The following PADI1 variants were observed in gnomAD, a reference collection of about 807,000 sequenced individuals.
The protein encoded by PADI1 is protein-arginine deiminase type-1.
Under a neutral mutation model 74.8 loss-of-function variants are expected in PADI1, and 65 were observed. The ratio of observed to expected loss-of-function variants is 0.87; its 90% CI spans 0.71 to 1.07. The LOEUF (loss-of-function observed/expected upper bound fraction) is 1.07. Ranked by LOEUF, PADI1 falls within the 50% of genes least tolerant of loss-of-function variation. The pLI is 0.00. For synonymous variants in PADI1, 371 were observed against 336.2 expected (o/e 1.10, Z -1.13); for missense variants, 943 against 854.0 (o/e 1.10, Z -1.30).
At chr1:17,216,420 T>C (rs2071979794) in intron 1 of PADI1, among the ~76,000 whole-genome samples, 1 of 152,088 alleles carries the variant, frequency 6.6e-6, no homozygotes. Flanking sequence ...AGGGGCTGGC[T>C]GTGCGAGTGA....
chr1:17,212,501 G>C (rs566922883), intron 1 of PADI1, among the ~76,000 whole-genome samples: 1 of 151,878 alleles, frequency 6.6e-6, no homozygotes, highest in Non-Finnish European at 1.5e-5. Context: ...AGGACAGTTG[G>C]CAGGGAAGCA....
chr1:17,209,114 T>A (rs1164858403), intron 1 of PADI1, among the ~76,000 whole-genome samples: 1 of 152,202 alleles, frequency 6.6e-6, no homozygotes, highest in Non-Finnish European at 1.5e-5. Flanking sequence ...TTCGAAAACT[T>A]GTGGTATGTG....
rs1319953696 is a variant in PADI1, at chr1:17,245,426, C to T, written c.*1183C>T. On this transcript the variant is annotated 3_prime_UTR_variant, in exon 16 of 16. Coordinates refer to ENST00000375471, the MANE Select transcript of PADI1 (RefSeq NM_013358.3). This position sits in a 1 kb window ranked among gnomAD's most constrained non-coding sequence, Gnocchi z 4.1. ...CGGAGTGAGGTCACTGAGACATGCA[C>T]AGGCAGGCTGGTTCAGCTGGGCTGC... 1.3e-5 allele frequency: 2 copies of T among 152,810 alleles called. No individual in the cohort carries two copies. The highest frequency in any genetic ancestry group is 1.3e-4 in the Admixed American group (2 of 15,304). The allele number at this position is 152,810 out of a possible 1,614,324, so 9.5% of individuals were successfully genotyped here. A position where few individuals can be genotyped will look rare whatever the true frequency, so the allele number is the denominator to read the frequency against.
intron 11 of PADI1, 107 bp downstream of exon 11, chr1:17,233,077 T>A: frequency 9.5e-7 from 1 of 1,052,580 alleles, no homozygotes; most frequent in Non-Finnish European, 1.3e-6. Flanking sequence ...GAAGTGATCT[T>A]AACTTCCTGC....
intron 15 of PADI1, among the ~76,000 whole-genome samples, chr1:17,241,538 ATGTC>A (rs1367923856): frequency 7.7e-5 from 10 of 129,514 alleles, no homozygotes; most frequent in Non-Finnish European, 1.3e-4. Flanking sequence ...TTGGAAGTGA[ATGTC>A]AGAATCGGGA....
intron 1 of PADI1, among the ~76,000 whole-genome samples, chr1:17,213,993 G>A (rs929783948): frequency 5.3e-5 from 8 of 152,208 alleles, no homozygotes; most frequent in Admixed American, 2.6e-4. Context: ...TCTGGGCGGC[G>A]CAGACGAGAT....
At chr1:17,224,324 G>A (rs1238854722) in intron 3 of PADI1, 43 bp from the exon 4 acceptor site, 23 of 1,573,828 alleles carry the variant, frequency 1.5e-5, no homozygotes, top group Non-Finnish European at 2.0e-5. Context: ...TGTGAAGATG[G>A]GGCTGGATGA....
intron 1 of PADI1, among the ~76,000 whole-genome samples, chr1:17,212,843 C>T (rs2071869147): frequency 6.6e-6 from 1 of 152,156 alleles, no homozygotes; most frequent in Non-Finnish European, 1.5e-5. Context: ...ATCACAGGCA[C>T]CACCCCCCTC....
Position 17,244,391 on chromosome 1 carries a change from G to A in PADI1, c.*148G>A. 1.4e-6 allele frequency: 1 copy of A among 712,394 alleles called. No individual in the cohort carries two copies. Among genetic ancestry groups the A allele is most frequent in the Non-Finnish European group, 2.6e-6 (1 of 391,900 alleles). The allele number at this position is 712,394 out of a possible 1,614,324, so 44.1% of individuals were successfully genotyped here. On this transcript the variant is annotated 3_prime_UTR_variant, in exon 16 of 16. Coordinates refer to ENST00000375471, the MANE Select transcript of PADI1 (RefSeq NM_013358.3). ...GCCACCATGGGCACCAGGACACAGGGATGGATACCACCTACCCTCGCCTCT... is the reference window on the plus strand; with the variant it reads ...GCCACCATGGGCACCAGGACACAGGAATGGATACCACCTACCCTCGCCTCT...
chr1:17,222,416 T>C lies in PADI1; in HGVS notation c.219T>C (p.Asp73=). ...AGGCCCGTTGGCCGCTAGACACTGA[T>C]GCAGACATGGTCGTATCTGTGGGCA... ...IGKARWPLDT[D]ADMVVSVGTA... The change falls in exon 2 of 16, where the codon GAT becomes GAC. Residue 73 remains aspartate, a synonymous_variant. Coordinates refer to ENST00000375471, the MANE Select transcript of PADI1 (RefSeq NM_013358.3). 4 of 1,614,126 alleles carry C rather than the reference T, an allele frequency of 2.5e-6. No homozygotes were observed. The highest frequency in any genetic ancestry group is 4.5e-5 in the East Asian group (2 of 44,870).
chr1:17,241,937 T>C (rs2072786537), intron 15 of PADI1, among the ~76,000 whole-genome samples: 2 of 151,982 alleles, frequency 1.3e-5, no homozygotes, highest in Admixed American at 1.3e-4. Flanking sequence ...GAAGTGAATG[T>C]CGGAATCGGC....
intron 2 of PADI1, chr1:17,223,337 T>TCCTGCTGGGAGCTGCC: frequency 2.2e-6 from 1 of 449,206 alleles, no homozygotes; most frequent in Non-Finnish European, 4.1e-6. Context: ...TGCCAGCTGC[T>TCCTGCTGGGAGCTGCC]CCTGCTGGGA....
intron 1 of PADI1, among the ~76,000 whole-genome samples, chr1:17,218,741 C>G (rs1335242379): frequency 3.9e-5 from 6 of 152,150 alleles, no homozygotes; most frequent in Non-Finnish European, 8.8e-5. Context: ...GGGTGATATT[C>G]ACGTCTGTGT....
intron 1 of PADI1, among the ~76,000 whole-genome samples, chr1:17,209,226 T>C (rs1481174284): frequency 6.6e-6 from 1 of 152,198 alleles, no homozygotes; most frequent in Admixed American, 6.5e-5. Context: ...ACACTGACAC[T>C]AATTTCCAGC....
intron 1 of PADI1, among the ~76,000 whole-genome samples, chr1:17,217,953 C>T (rs911671497): frequency 1.3e-5 from 2 of 152,240 alleles, no homozygotes; most frequent in East Asian, 3.8e-4. Context: ...CCAGGATTAT[C>T]TGATTCAGCA....
chr1:17,214,552 C>T (rs1248424005), intron 1 of PADI1, among the ~76,000 whole-genome samples: 1 of 152,114 alleles, frequency 6.6e-6, no homozygotes, highest in Admixed American at 6.5e-5. Context: ...GGGGACATGC[C>T]AGTACTGCAT....
chr1:17,206,603 T>G (rs2071688140), intron 1 of PADI1, among the ~76,000 whole-genome samples: 1 of 152,166 alleles, frequency 6.6e-6, no homozygotes, highest in Non-Finnish European at 1.5e-5. Flanking sequence ...ACAAAAAGCT[T>G]TTTTAGTATA....
chr1:17,216,631 G>A (rs1051493090), intron 1 of PADI1, among the ~76,000 whole-genome samples: 2 of 152,212 alleles, frequency 1.3e-5, no homozygotes, highest in African/African-American at 4.8e-5. Context: ...AGCACTGTGG[G>A]AGGCCGAGGT....
intron 11 of PADI1, among the ~76,000 whole-genome samples, chr1:17,233,638 G>T (rs757377161): frequency 6.6e-6 from 1 of 152,234 alleles, no homozygotes; most frequent in African/African-American, 2.4e-5. Flanking sequence ...TCAGGGTCCT[G>T]GTGGGTCCCC....
Sources: allele counts gnomAD v4.1 joint callset (sites outside exome capture counted in the v4.1 genomes callset), GRCh38; gene constraint gnomAD v4.1.1; non-coding constraint Gnocchi (gnomAD v3.1); transcripts MANE v1.5; gene names NCBI Gene and HGNC (gene_info 2026-07-23, HGNC 2026-07-21).